ATG5: variants seen among roughly 807,000 people sequenced by gnomAD.
ATG5 encodes autophagy related 5.
In ATG5, 14 loss-of-function variants were observed where a neutral mutation model predicts 36.5. The ratio of observed to expected loss-of-function variants is 0.38; its 90% confidence interval spans 0.25 to 0.60. ATG5 has a LOEUF of 0.60. ATG5 is among the 20% of genes least tolerant of loss of function. The pLI is 0.60. For synonymous variants in ATG5, 95 were observed against 101.5 expected (o/e 0.94, Z 0.38); for missense variants, 195 against 326.7 (o/e 0.60, Z 3.11).
intron 7 of ATG5, among the ~76,000 whole-genome samples, chr6:106,198,931 G>GA (rs201148064): frequency 1.1e-4 from 16 of 151,758 alleles, no homozygotes; most frequent in African/African-American, 2.4e-4. Flanking sequence ...AACAATCCAT[G>GA]AAAAAAAACA....
chr6:106,260,456 A>C (rs1778975982), intron 5 of ATG5, among the ~76,000 whole-genome samples: 1 of 152,248 alleles, frequency 6.6e-6, no homozygotes, highest in Non-Finnish European at 1.5e-5. Flanking sequence ...TAGTCTGGAT[A>C]CTAAAGGGAT....
intron 6 of ATG5, among the ~76,000 whole-genome samples, chr6:106,227,092 C>T (rs1582575931): frequency 6.6e-6 from 1 of 152,112 alleles, no homozygotes; most frequent in East Asian, 1.9e-4. Flanking sequence ...TTAATCTACA[C>T]ATCCAAGAAG....
chr6:106,282,318 A>G (rs2114607285), intron 4 of ATG5, among the ~76,000 whole-genome samples: 1 of 152,304 alleles, frequency 6.6e-6, no homozygotes, highest in East Asian at 1.9e-4. Flanking sequence ...TGCAACATGA[A>G]ATGCCATATT....
At chr6:106,309,954 G>A (rs1406178328) in intron 2 of ATG5, among the ~76,000 whole-genome samples, 1 of 152,070 alleles carries the variant, frequency 6.6e-6, no homozygotes, top group South Asian at 2.1e-4. Flanking sequence ...CAGCTAATGG[G>A]TATGGATATA....
chr6:106,253,276 T>C (rs1004078782), intron 5 of ATG5, among the ~76,000 whole-genome samples: 2 of 152,172 alleles, frequency 1.3e-5, no homozygotes, highest in Non-Finnish European at 2.9e-5. Context: ...AAATTCATCA[T>C]GAACACAGAA....
intron 5 of ATG5, among the ~76,000 whole-genome samples, chr6:106,265,912 C>T (rs1197849415): frequency 2.6e-5 from 4 of 152,040 alleles, no homozygotes; most frequent in African/African-American, 9.7e-5. Context: ...CTAAAATCGA[C>T]ACCCTAACAT....
rs1347511452 is a variant in ATG5 at position 106,297,720 on chromosome 6, A to ACC, written c.237-4615_237-4614insGG. The stretch of plus-strand genomic sequence containing the variant: ...AAATTATTTGCAAAATGACTTAAAC[A>ACC]CACACACACACACACACACACACAC... On this transcript the variant is annotated intron_variant, in intron 3 of 7. Transcript: ENST00000369076. 1.4e-4 allele frequency among the ~76,000 whole-genome samples: 8 copies of ACC among 55,600 alleles called. No individual in the cohort carries two copies. In the East Asian group the frequency reaches 5.6e-3, roughly 39 times the overall value. 36.5% of individuals were successfully genotyped at this position (55,600 alleles called of 152,430 possible).
rs559751787 is a variant in ATG5, at chr6:106,313,704, G to A, written c.108+2397C>T. 7.2e-5 allele frequency among the ~76,000 whole-genome samples: 11 copies of A among 152,284 alleles called. No homozygotes were observed. In the South Asian group the frequency reaches 2.1e-3, roughly 29 times the overall value. On this transcript the variant is annotated intron_variant, in intron 2 of 7. Coordinates refer to ENST00000369076, the MANE Select transcript of ATG5 (RefSeq NM_004849.4). ...AGGCAACAAATCAAAATGCAGAAAA[G>A]AGGAATATATGTACTATTAATATTA...
At chr6:106,255,002 C>T (rs1164117098) in intron 5 of ATG5, among the ~76,000 whole-genome samples, 1 of 152,236 alleles carries the variant, frequency 6.6e-6, no homozygotes, top group Non-Finnish European at 1.5e-5. Context: ...GTCCCTTTTG[C>T]TTCCTCCAAC....
At chr6:106,281,115 G>C (rs1287502831) in intron 4 of ATG5, among the ~76,000 whole-genome samples, 1 of 152,150 alleles carries the variant, frequency 6.6e-6, no homozygotes, top group African/African-American at 2.4e-5. Flanking sequence ...AGAAGCTCCT[G>C]AGTGACTATG....
rs535412561 is a variant in ATG5 at position 106,249,617 on chromosome 6, G to T, written c.479-1373C>A. On this transcript the variant is annotated intron_variant, in intron 5 of 7. Transcript: ENST00000369076. The stretch of plus-strand genomic sequence containing the variant: ...TCTCTTGGGTATGTACCTAGGAGTA[G>T]AACTACTGGGTCATTAGGTAACTCT... Among the ~76,000 whole-genome samples, 6 of 152,328 alleles carry T rather than the reference G, an allele frequency of 3.9e-5. No homozygotes were observed. The South Asian group carries it at 1.2e-3, about 32-fold the overall frequency.
chr6:106,275,077 A>G (rs768321741), intron 5 of ATG5, among the ~76,000 whole-genome samples: 5 of 152,258 alleles, frequency 3.3e-5, no homozygotes, highest in Non-Finnish European at 7.3e-5. Flanking sequence ...AAGGTGCTCA[A>G]TAAATATCTG....
At chr6:106,205,024 T>A (rs1305759882) in intron 6 of ATG5, among the ~76,000 whole-genome samples, 2 of 152,184 alleles carry the variant, frequency 1.3e-5, no homozygotes, top group African/African-American at 4.8e-5. Context: ...AAAATAGCCA[T>A]CCCTCACTCA....
intron 6 of ATG5, among the ~76,000 whole-genome samples, chr6:106,209,565 G>C (rs1582552618): frequency 6.6e-6 from 1 of 152,254 alleles, no homozygotes; most frequent in Admixed American, 6.5e-5. Context: ...GCTATAAAAG[G>C]GTAGCCTAAG....
At chr6:106,315,542 T>A (rs1191451625) in intron 2 of ATG5, among the ~76,000 whole-genome samples, 2 of 152,004 alleles carry the variant, frequency 1.3e-5, no homozygotes, top group African/African-American at 2.4e-5. Flanking sequence ...GTGCAATTTA[T>A]AATATATATT....
intron 3 of ATG5, among the ~76,000 whole-genome samples, chr6:106,305,870 G>A (rs749268728): frequency 1.2e-4 from 19 of 152,140 alleles, no homozygotes; most frequent in Non-Finnish European, 2.6e-4. Flanking sequence ...TGCTATTACT[G>A]GAAGCAAAGA....
intron 5 of ATG5, among the ~76,000 whole-genome samples, chr6:106,255,631 A>C (rs1049055398): frequency 3.3e-5 from 5 of 152,184 alleles, no homozygotes; most frequent in African/African-American, 1.2e-4. Context: ...CCAATTAAGA[A>C]TAATTTATTT....
At chr6:106,277,514 G>A (rs1449581538) in intron 5 of ATG5, among the ~76,000 whole-genome samples, 2 of 152,172 alleles carry the variant, frequency 1.3e-5, no homozygotes, top group Admixed American at 6.5e-5. Flanking sequence ...CTTACCGTTG[G>A]TTATAAATAT....
intron 6 of ATG5, among the ~76,000 whole-genome samples, chr6:106,212,007 T>C (rs1016097077): frequency 2.0e-5 from 3 of 152,214 alleles, no homozygotes; most frequent in African/African-American, 7.2e-5. Context: ...CTTGTTATAT[T>C]TGCAGGTGCT....
Sources: gnomAD v4.1 joint callset for allele counts (sites outside exome capture counted in the v4.1 genomes callset) on GRCh38, gnomAD v4.1.1 for gene constraint, MANE v1.5 for transcripts, NCBI Gene and HGNC (gene_info 2026-07-23, HGNC 2026-07-21) for gene names.